C12orf42: variants seen among roughly 807,000 people sequenced by gnomAD.
The protein encoded by C12orf42 is chromosome 12 open reading frame 42, also known as uncharacterized protein C12orf42.
Under a neutral mutation model 21.6 loss-of-function variants are expected in C12orf42, and 25 were observed. The observed-to-expected ratio is 1.16, with a 90% confidence interval of 0.84 to 1.62. The LOEUF is 1.62. Ranked by LOEUF, C12orf42 falls within the 40% of genes most tolerant of loss-of-function variation. C12orf42 has a pLI of 0.00. For synonymous variants in C12orf42, 174 were observed against 175.0 expected, an observed-to-expected ratio of 0.99 and a Z score of 0.05; for missense variants, 483 against 459.3, an observed-to-expected ratio of 1.05 and a Z score of -0.47.
chr12:103,051,254 A>G, the C12orf42 span, among the ~76,000 whole-genome samples: 2 of 152,320 alleles, frequency 1.3e-5, no homozygotes, highest in Non-Finnish European at 2.9e-5. Context: ...TCAGCCATCA[A>G]CTGAGGAAGT....
chr12:103,459,995 C>T (rs928755589), intron 2 of C12orf42, among the ~76,000 whole-genome samples: 9 of 152,146 alleles, frequency 5.9e-5, no homozygotes, highest in African/African-American at 1.7e-4. Context: ...TCCTATATTG[C>T]ACCCCTTTAC....
the C12orf42 span, among the ~76,000 whole-genome samples, chr12:103,186,311 C>T: frequency 9.9e-5 from 15 of 152,236 alleles, no homozygotes; most frequent in South Asian, 2.3e-3. Flanking sequence ...TGTAGTATGA[C>T]ACCAAATTGT....
the C12orf42 span, among the ~76,000 whole-genome samples, chr12:103,078,342 G>GT: frequency 6.6e-6 from 1 of 152,058 alleles, no homozygotes; most frequent in African/African-American, 2.4e-5. Flanking sequence ...AAAGTTTATG[G>GT]TTTTTTTCTT....
chr12:103,486,698 T>C (rs768070243), intron 1 of C12orf42, among the ~76,000 whole-genome samples: 1 of 152,196 alleles, frequency 6.6e-6, no homozygotes, highest in Non-Finnish European at 1.5e-5. Flanking sequence ...GGAGGGTGTA[T>C]ATGTCCAGGA....
the C12orf42 span, among the ~76,000 whole-genome samples, chr12:103,563,422 A>G: frequency 6.6e-6 from 1 of 152,220 alleles, no homozygotes; most frequent in Non-Finnish European, 1.5e-5. Context: ...AACAGAAATG[A>G]AATTCCCTGA....
At chr12:103,216,152 CCTT>C in the C12orf42 span, among the ~76,000 whole-genome samples, 7 of 152,144 alleles carry the variant, frequency 4.6e-5, no homozygotes, top group African/African-American at 1.7e-4. Flanking sequence ...CTCTGTCTTT[CCTT>C]CTTCTCTCTA....
intron 5 of C12orf42, among the ~76,000 whole-genome samples, chr12:103,303,406 C>T (rs562814834): frequency 6.6e-6 from 1 of 151,988 alleles, no homozygotes; most frequent in Admixed American, 6.6e-5. Context: ...CATTGACCTA[C>T]ACAAATTAAA....
the C12orf42 span, among the ~76,000 whole-genome samples, chr12:103,143,742 AG>A: frequency 6.6e-6 from 1 of 152,264 alleles, no homozygotes; most frequent in African/African-American, 2.4e-5. Context: ...ATGAAATCAC[AG>A]GACTGTTTGG....
chr12:103,159,673 T>A, the C12orf42 span: 1 of 152,260 alleles, frequency 6.6e-6, no homozygotes, highest in Non-Finnish European at 1.5e-5. Flanking sequence ...CCATTTGCCA[T>A]CCATTTAATT....
At chr12:103,265,084 C>T (rs147940448), downstream of C12orf42, among the ~76,000 whole-genome samples, 322 of 152,272 alleles carry the variant, frequency 2.1e-3, 1 homozygote, top group African/African-American at 7.3e-3. Context: ...AGACTGCCAA[C>T]TCCACATTGT....
At chr12:103,065,069 C>A in the C12orf42 span, among the ~76,000 whole-genome samples, 1 of 152,170 alleles carries the variant, frequency 6.6e-6, no homozygotes. Flanking sequence ...GACATTAAAG[C>A]TGCCTTTACC....
intron 2 of C12orf42, among the ~76,000 whole-genome samples, chr12:103,465,660 G>A (rs1339495405): frequency 6.6e-6 from 1 of 152,150 alleles, no homozygotes; most frequent in African/African-American, 2.4e-5. Flanking sequence ...GTGAGAGAGG[G>A]CATCCTTGTC....
chr12:103,304,824 G>A (rs1460013079), intron 5 of C12orf42, among the ~76,000 whole-genome samples: 1 of 152,166 alleles, frequency 6.6e-6, no homozygotes, highest in Non-Finnish European at 1.5e-5. Flanking sequence ...CTGGAAGAAG[G>A]TCTCCCAGCC....
chr12:103,090,683 A>T, the C12orf42 span, among the ~76,000 whole-genome samples: 1 of 152,060 alleles, frequency 6.6e-6, no homozygotes, highest in Non-Finnish European at 1.5e-5. Context: ...GGCTTTAGGG[A>T]GGTTAAGGCA....
At chr12:103,182,677 A>T in the C12orf42 span, among the ~76,000 whole-genome samples, 2 of 152,244 alleles carry the variant, frequency 1.3e-5, no homozygotes, top group African/African-American at 4.8e-5. Context: ...TTTTATTGAG[A>T]TAATTGTAGG....
the C12orf42 span, among the ~76,000 whole-genome samples, chr12:103,088,959 C>A: frequency 6.6e-6 from 1 of 151,834 alleles, no homozygotes; most frequent in Non-Finnish European, 1.5e-5. Context: ...AAAAATCAGC[C>A]GGGCGTGGTG....
At chr12:103,530,921 G>A in the C12orf42 span, among the ~76,000 whole-genome samples, 1 of 152,298 alleles carries the variant, frequency 6.6e-6, no homozygotes, top group East Asian at 1.9e-4. Flanking sequence ...AGCTGTCAGG[G>A]AACTGCTGAC....
At chr12:103,199,465 T>C in the C12orf42 span, among the ~76,000 whole-genome samples, 2 of 152,174 alleles carry the variant, frequency 1.3e-5, no homozygotes, top group African/African-American at 4.8e-5. Context: ...TAAAATTAGA[T>C]AAGTCAACCT....
the C12orf42 span, among the ~76,000 whole-genome samples, chr12:103,533,716 C>A: frequency 3.3e-5 from 5 of 152,328 alleles, no homozygotes; most frequent in South Asian, 1.0e-3. Context: ...ACAATATTCA[C>A]CAAGCTACAA....
Sources: allele counts gnomAD v4.1 joint callset (sites outside exome capture counted in the v4.1 genomes callset), GRCh38; gene constraint gnomAD v4.1.1; transcripts MANE v1.5; gene names NCBI Gene and HGNC (gene_info 2026-07-23, HGNC 2026-07-21).